The following TENM3 variants were observed in gnomAD, a reference collection of about 807,000 sequenced individuals.
TENM3 encodes teneurin transmembrane protein 3.
In TENM3, 63 loss-of-function variants were observed where a neutral mutation model predicts 255.1. That is an observed-to-expected ratio of 0.25 (90% CI 0.20 to 0.30). The LOEUF (loss-of-function observed/expected upper bound fraction) is 0.30, where lower values mean the gene tolerates loss of function less well. Ranked by LOEUF, TENM3 falls within the 10% of genes least tolerant of loss-of-function variation. The pLI, the probability that TENM3 is intolerant of heterozygous loss-of-function variation, is 1.00. For missense variants in TENM3, 2,929 were observed against 3,461.1 expected (o/e 0.85, Z 3.86); for synonymous variants, 1,306 against 1,322.3 (o/e 0.99, Z 0.27).
intron 3 of TENM3, among the ~76,000 whole-genome samples, chr4:182,419,583 G>C (rs1219750629): frequency 2.0e-5 from 3 of 152,076 alleles, no homozygotes; most frequent in Admixed American, 6.6e-5. Flanking sequence ...ATGTTTATTG[G>C]AGCACTATTC....
At chr4:182,585,651 T>G (rs1745944699) in intron 3 of TENM3, among the ~76,000 whole-genome samples, 1 of 152,170 alleles carries the variant, frequency 6.6e-6, no homozygotes. Context: ...GAAAATCATG[T>G]CTATTATTTA....
chr4:181,518,484 G>C, the TENM3 span, among the ~76,000 whole-genome samples: 1 of 152,186 alleles, frequency 6.6e-6, no homozygotes, highest in Non-Finnish European at 1.5e-5. Flanking sequence ...CCGGAGTGCA[G>C]TGGCGTGATC....
At chr4:181,632,599 A>G in the TENM3 span, among the ~76,000 whole-genome samples, 2 of 152,226 alleles carry the variant, frequency 1.3e-5, no homozygotes, top group Non-Finnish European at 2.9e-5. Context: ...TGTAGAAGTT[A>G]TACATGAATA....
At chr4:182,486,816 A>C (rs572010476) in intron 3 of TENM3, among the ~76,000 whole-genome samples, 1 of 152,172 alleles carries the variant, frequency 6.6e-6, no homozygotes. Flanking sequence ...CTCAATATAC[A>C]CTGCCTTGGC....
chr4:181,538,077 C>T, the TENM3 span, among the ~76,000 whole-genome samples: 3 of 151,946 alleles, frequency 2.0e-5, no homozygotes, highest in East Asian at 1.9e-4. Context: ...TTTATTGGCA[C>T]AATATTTTCA....
the TENM3 span, among the ~76,000 whole-genome samples, chr4:181,461,204 T>G: frequency 6.6e-6 from 1 of 152,116 alleles, no homozygotes; most frequent in African/African-American, 2.4e-5. Context: ...TCTTGCTTCT[T>G]TGTCATCCAG....
chr4:181,808,337 G>C, the TENM3 span, among the ~76,000 whole-genome samples: 1 of 152,102 alleles, frequency 6.6e-6, no homozygotes, highest in South Asian at 2.1e-4. Flanking sequence ...CTAAATAATG[G>C]GTCTCAAATA....
At chr4:181,562,138 T>C in the TENM3 span, among the ~76,000 whole-genome samples, 35 of 152,204 alleles carry the variant, frequency 2.3e-4, no homozygotes, top group Non-Finnish European at 7.3e-5. Flanking sequence ...TTTCCCAGTT[T>C]TATGTTACTT....
At chr4:182,628,288 C>G (rs902550184) in intron 4 of TENM3, among the ~76,000 whole-genome samples, 1 of 152,046 alleles carries the variant, frequency 6.6e-6, no homozygotes, top group Non-Finnish European at 1.5e-5. Context: ...TGAAAATGCT[C>G]TTAGGGTAAT....
At chr4:182,086,594 GT>G in the TENM3 span, among the ~76,000 whole-genome samples, 8 of 152,120 alleles carry the variant, frequency 5.3e-5, 1 homozygote, top group African/African-American at 1.9e-4. Context: ...GTAGGAAGGT[GT>G]TTTTTTCTTG....
chr4:181,747,917 A>T, the TENM3 span, among the ~76,000 whole-genome samples: 1 of 151,988 alleles, frequency 6.6e-6, no homozygotes, highest in Admixed American at 6.6e-5. Context: ...TACTTATGTC[A>T]TCACCAAATT....
At chr4:181,666,891 C>T in the TENM3 span, among the ~76,000 whole-genome samples, 5 of 152,118 alleles carry the variant, frequency 3.3e-5, no homozygotes, top group Non-Finnish European at 7.4e-5. Context: ...ATCAAACGCT[C>T]CTGCACTAGT....
chr4:182,387,937 C>CA (rs5864781), intron 3 of TENM3, among the ~76,000 whole-genome samples: 197 of 136,726 alleles, frequency 1.4e-3, no homozygotes, highest in African/African-American at 4.0e-3. Flanking sequence ...GTGATAATTG[C>CA]AAAAAAAAAA....
At chr4:181,650,598 G>C in the TENM3 span, among the ~76,000 whole-genome samples, 1 of 152,116 alleles carries the variant, frequency 6.6e-6, no homozygotes, top group African/African-American at 2.4e-5. Flanking sequence ...CCTATTAGGA[G>C]TACTTAGATA....
chr4:182,772,643 T>G (rs533969863), intron 22 of TENM3: 1 of 152,248 alleles, frequency 6.6e-6, no homozygotes, highest in African/African-American at 2.4e-5. Flanking sequence ...ATTCAATTCT[T>G]CAGTCAAATG....
chr4:182,300,538 T>C (rs1761791832), intron 1 of TENM3, among the ~76,000 whole-genome samples: 1 of 152,188 alleles, frequency 6.6e-6, no homozygotes, highest in South Asian at 2.1e-4. Flanking sequence ...GGACACCTGG[T>C]GACGGCTTGT....
chr4:182,148,043 T>G (rs1476400362), intron 1 of TENM3, among the ~76,000 whole-genome samples: 1 of 152,176 alleles, frequency 6.6e-6, no homozygotes, highest in Non-Finnish European at 1.5e-5. Context: ...AAAATAAACC[T>G]TAGTCTGAAA....
chr4:181,596,848 A>G, the TENM3 span, among the ~76,000 whole-genome samples: 142,338 of 152,144 alleles, frequency 0.94, 66,637 homozygotes, highest in Admixed American at 0.96. Flanking sequence ...ACCAAATACC[A>G]CATGTTGTCA....
chr4:182,601,093 A>C lies in TENM3; in HGVS notation c.681A>C (p.Gln227His), dbSNP rs1329298234. 6.2e-7 allele frequency: 1 copy of C among 1,613,844 alleles called. No individual in the cohort carries two copies. The highest frequency in any genetic ancestry group is 8.5e-7 in the Non-Finnish European group (1 of 1,179,856). ...CGGCTGCTTTGCCCGCCGAGCTGCA[A>C]ACCACACCCGAGTCCGTCCAGCTGC... ...APPAALPAELQTTPESVQLQD... is the reference protein window; with the variant it reads ...APPAALPAELHTTPESVQLQD... Residue 227 changes from glutamine to histidine, a missense_variant, in exon 4 of 28, where the codon CAA (glutamine) becomes CAC (histidine). Physicochemically the swap from Gln to His is conservative, Grantham distance 24. This residue lies in a region of TENM3 where 1,608 missense variants were observed against 1,884.4 expected (regional missense o/e 0.85). Transcript: ENST00000511685.
Sources: gnomAD v4.1 joint callset for allele counts (sites outside exome capture counted in the v4.1 genomes callset) on GRCh38, gnomAD v4.1.1 for gene constraint, gnomAD v4.1.1 regional missense constraint, MANE v1.5 for transcripts, NCBI Gene and HGNC (gene_info 2026-07-23, HGNC 2026-07-21) for gene names.